Variants in HPSE2 observed in about 807,000 individuals in gnomAD.
HPSE2 encodes the protein inactive heparanase-2.
Under a neutral mutation model 60.5 loss-of-function variants are expected in HPSE2, and 38 were observed. The ratio of observed to expected loss-of-function variants is 0.63; its 90% CI spans 0.48 to 0.82. The LOEUF (loss-of-function observed/expected upper bound fraction) is 0.82, where lower values mean the gene tolerates loss of function less well. Ranked by LOEUF, HPSE2 falls within the 40% of genes least tolerant of loss-of-function variation. HPSE2 has a pLI of 0.00. For synonymous variants in HPSE2, 295 were observed against 293.2 expected (o/e 1.01, Z -0.06); for missense variants, 713 against 740.4 (o/e 0.96, Z 0.43).
the HPSE2 span, among the ~76,000 whole-genome samples, chr10:99,293,017 T>C: frequency 6.6e-6 from 1 of 152,154 alleles, no homozygotes; most frequent in African/African-American, 2.4e-5. Flanking sequence ...ACCCAGTTGA[T>C]AATCTCTACT....
At chr10:99,230,356 A>C (rs1225474758) in intron 2 of HPSE2, among the ~76,000 whole-genome samples, 1 of 152,182 alleles carries the variant, frequency 6.6e-6, no homozygotes, top group Non-Finnish European at 1.5e-5. Context: ...ATTTCCCAGC[A>C]AAAGCTTATG....
intron 3 of HPSE2, among the ~76,000 whole-genome samples, chr10:98,933,239 A>T (rs185968337): frequency 2.8e-5 from 4 of 144,080 alleles, no homozygotes; most frequent in African/African-American, 8.5e-5. Flanking sequence ...GTCATTCAGG[A>T]GCAGGTTGTT....
At chr10:99,200,323 C>A (rs1297954589) in intron 2 of HPSE2, among the ~76,000 whole-genome samples, 1 of 152,126 alleles carries the variant, frequency 6.6e-6, no homozygotes, top group South Asian at 2.1e-4. Flanking sequence ...TTATAAGTAA[C>A]TCTTTGTCCC....
At chr10:98,688,564 C>T (rs2134156845) in intron 6 of HPSE2, among the ~76,000 whole-genome samples, 1 of 149,622 alleles carries the variant, frequency 6.7e-6, no homozygotes, top group South Asian at 2.1e-4. Flanking sequence ...CAACCTCCGC[C>T]TCTCGGGTTC....
In HPSE2 at chr10:98,664,625, T is replaced by G. The variant is rs180832002; in HGVS notation, c.1005-22685A>C. 2.6e-5 allele frequency among the ~76,000 whole-genome samples: 4 copies of G among 152,288 alleles called. No individual in the cohort carries two copies. In the East Asian group the frequency reaches 7.7e-4, roughly 29 times the overall value. On this transcript the variant is annotated intron_variant, in intron 6 of 11. Transcript: ENST00000370552. ...AGCCCGGTGGCTAAGGGCTTATCTA[T>G]CGGCCATCGCTCTCAGGCGCCATCT...
At chr10:98,845,724 A>G (rs1229555039) in intron 3 of HPSE2, among the ~76,000 whole-genome samples, 5 of 152,204 alleles carry the variant, frequency 3.3e-5, no homozygotes, top group Non-Finnish European at 7.3e-5. Flanking sequence ...GGCTGGGAGC[A>G]GGCTGGACAG....
chr10:98,997,273 C>A (rs144080575), intron 3 of HPSE2, among the ~76,000 whole-genome samples: 1 of 151,774 alleles, frequency 6.6e-6, no homozygotes, highest in Non-Finnish European at 1.5e-5. Context: ...CCACCATGCC[C>A]GGCTAATTTT....
chr10:99,002,459 A>G (rs1385724669), intron 3 of HPSE2, among the ~76,000 whole-genome samples: 1 of 152,154 alleles, frequency 6.6e-6, no homozygotes, highest in African/African-American at 2.4e-5. Context: ...ATGAACAGTG[A>G]TAAGTCACAT....
intron 2 of HPSE2, among the ~76,000 whole-genome samples, chr10:99,177,688 C>A (rs1028271513): frequency 2.0e-5 from 3 of 152,054 alleles, no homozygotes; most frequent in Non-Finnish European, 4.4e-5. Context: ...CTTTAACACC[C>A]CACTGTCAAT....
chr10:98,471,129 A>C (rs1290195897), intron 11 of HPSE2, among the ~76,000 whole-genome samples: 3 of 152,226 alleles, frequency 2.0e-5, no homozygotes, highest in Non-Finnish European at 4.4e-5. Context: ...GCATGTTCAC[A>C]CCTTTGGCAA....
Position 98,770,331 on chromosome 10 carries a change from A to C in HPSE2, c.611-26275T>G, listed in dbSNP as rs531452428. Among the ~76,000 whole-genome samples the C allele has an allele frequency of 3.3e-5, 5 of 152,282 alleles. No individual in the cohort carries two copies. The East Asian group carries it at 7.7e-4, about 24-fold the overall frequency. On this transcript the variant is annotated intron_variant, in intron 3 of 11. Transcript: ENST00000370552. The stretch of plus-strand genomic sequence containing the variant: ...TAGGTGTAACTATCTGTGTGTATAT[A>C]TGTGTTTGTGTATGTGTGTGCATGT...
chr10:99,008,605 C>T (rs1271403193), intron 3 of HPSE2, among the ~76,000 whole-genome samples: 1 of 152,190 alleles, frequency 6.6e-6, no homozygotes, highest in Non-Finnish European at 1.5e-5. Flanking sequence ...CTGAACAATT[C>T]ACAGCCCCAT....
intron 9 of HPSE2, among the ~76,000 whole-genome samples, chr10:98,544,393 C>T (rs1467824293): frequency 1.5e-4 from 23 of 152,030 alleles, no homozygotes; most frequent in Admixed American, 1.3e-3. Flanking sequence ...GATCCAAAAT[C>T]GACACCCTAA....
intron 3 of HPSE2, among the ~76,000 whole-genome samples, chr10:98,919,212 A>G (rs186144982): frequency 4.6e-5 from 7 of 152,226 alleles, no homozygotes; most frequent in African/African-American, 1.7e-4. Flanking sequence ...ATTCTACACA[A>G]AGAAACGAGT....
At chr10:99,081,690 G>A (rs1171890708) in intron 3 of HPSE2, among the ~76,000 whole-genome samples, 1 of 151,812 alleles carries the variant, frequency 6.6e-6, no homozygotes, top group African/African-American at 2.4e-5. Flanking sequence ...AGGCTGGAGT[G>A]CAGTGGCGTG....
At chr10:98,912,954 A>G (rs563376768) in intron 3 of HPSE2, among the ~76,000 whole-genome samples, 2 of 152,306 alleles carry the variant, frequency 1.3e-5, no homozygotes, top group South Asian at 4.1e-4. Flanking sequence ...TTGAATCACA[A>G]CGGATAAATG....
At chr10:98,512,812 A>AACACACACACACACAC (rs71007394) in intron 9 of HPSE2, among the ~76,000 whole-genome samples, 35,831 of 124,332 alleles carry the variant, frequency 0.29, 6,954 homozygotes, top group South Asian at 0.46. Context: ...CCCACCCCCC[A>AACACACACACACACAC]ACACACACAC....
chr10:99,244,458 G>C, the HPSE2 span, among the ~76,000 whole-genome samples: 1 of 148,668 alleles, frequency 6.7e-6, no homozygotes, highest in Non-Finnish European at 1.5e-5. Context: ...CCAGGCTGGA[G>C]CGCAATGGTG....
At chr10:98,967,293 T>C (rs1955837824) in intron 3 of HPSE2, among the ~76,000 whole-genome samples, 1 of 152,232 alleles carries the variant, frequency 6.6e-6, no homozygotes, top group Admixed American at 6.5e-5. Flanking sequence ...TTGGAGTTTA[T>C]GATACTGTAG....
Sources: allele counts gnomAD v4.1 joint callset (sites outside exome capture counted in the v4.1 genomes callset), GRCh38; gene constraint gnomAD v4.1.1; transcripts MANE v1.5; gene names NCBI Gene and HGNC (gene_info 2026-07-23, HGNC 2026-07-21).